Variants in MAST4 observed in about 807,000 individuals in gnomAD.
The protein encoded by MAST4 is microtubule-associated serine/threonine-protein kinase 4.
In MAST4, 89 loss-of-function variants were observed where a neutral mutation model predicts 162.7. The ratio of observed to expected loss-of-function variants is 0.55; its 90% CI spans 0.46 to 0.65. The LOEUF (loss-of-function observed/expected upper bound fraction) is 0.65, where lower values mean the gene tolerates loss of function less well. Ranked by LOEUF, MAST4 falls within the 30% of genes least tolerant of loss-of-function variation. The pLI is 0.00. For synonymous variants in MAST4, 1,479 were observed against 1,361.1 expected, an observed-to-expected ratio of 1.09 and a Z score of -1.91; for missense variants, 3,153 against 3,374.0, an observed-to-expected ratio of 0.93 and a Z score of 1.62.
chr5:66,840,365 A>G (rs1456431703), intron 3 of MAST4, among the ~76,000 whole-genome samples: 2 of 152,180 alleles, frequency 1.3e-5, no homozygotes, highest in Non-Finnish European at 2.9e-5. Context: ...TTGATTCAAG[A>G]TTGATTTGAC....
chr5:66,642,812 G>T (rs1216477885), intron 1 of MAST4, among the ~76,000 whole-genome samples: 1 of 152,142 alleles, frequency 6.6e-6, no homozygotes, highest in Non-Finnish European at 1.5e-5. Flanking sequence ...ATTGTGTATT[G>T]CACTCTCTTA....
At chr5:66,897,506 T>C (rs528428672) in intron 3 of MAST4, among the ~76,000 whole-genome samples, 1 of 152,300 alleles carries the variant, frequency 6.6e-6, no homozygotes, top group South Asian at 2.1e-4. Context: ...TTTGCAGACT[T>C]TTGCAGCTAT....
At chr5:66,945,139 G>C (rs1381002844) in intron 4 of MAST4, among the ~76,000 whole-genome samples, 1 of 152,060 alleles carries the variant, frequency 6.6e-6, no homozygotes, top group Non-Finnish European at 1.5e-5. Context: ...CTGTTGACTA[G>C]GTTGCTAGGT....
chr5:66,847,327 T>C (rs1290691653), intron 3 of MAST4, among the ~76,000 whole-genome samples: 1 of 152,118 alleles, frequency 6.6e-6, no homozygotes, highest in Non-Finnish European at 1.5e-5. Flanking sequence ...TGGACATTAA[T>C]TGGGAGATAC....
intron 1 of MAST4, among the ~76,000 whole-genome samples, chr5:66,658,586 T>C (rs564320816): frequency 1.2e-3 from 176 of 152,292 alleles, no homozygotes; most frequent in African/African-American, 4.1e-3. Flanking sequence ...TTTTGTAAAA[T>C]AAGCATTATG....
intron 4 of MAST4, among the ~76,000 whole-genome samples, chr5:67,000,473 G>A (rs867169303): frequency 1.2e-4 from 18 of 152,182 alleles, no homozygotes; most frequent in African/African-American, 4.3e-4. Flanking sequence ...ATGTGTTGCC[G>A]GCTGTGGTGG....
At chr5:66,778,747 C>T (rs1754716258) in intron 2 of MAST4, among the ~76,000 whole-genome samples, 1 of 152,082 alleles carries the variant, frequency 6.6e-6, no homozygotes, top group Non-Finnish European at 1.5e-5. Flanking sequence ...GCCATATTAC[C>T]CATACCAAAA....
At chr5:66,600,865 G>A (rs1742507039) in intron 1 of MAST4, among the ~76,000 whole-genome samples, 1 of 152,282 alleles carries the variant, frequency 6.6e-6, no homozygotes. Flanking sequence ...CCTTAGAATG[G>A]CAGAAAAGGG....
intron 3 of MAST4, among the ~76,000 whole-genome samples, chr5:66,829,718 A>T (rs1042645129): frequency 1.3e-5 from 2 of 149,334 alleles, no homozygotes; most frequent in Non-Finnish European, 3.0e-5. Flanking sequence ...ATTAAAAAAA[A>T]TGCTTGGAAT....
At chr5:66,993,244 T>A (rs1031788530) in intron 4 of MAST4, among the ~76,000 whole-genome samples, 8 of 152,198 alleles carry the variant, frequency 5.3e-5, no homozygotes, top group South Asian at 2.1e-4. Flanking sequence ...TTTGGAAGCA[T>A]CCCTCAGGGC....
intron 1 of MAST4, among the ~76,000 whole-genome samples, chr5:66,705,955 G>A (rs556209872): frequency 2.0e-5 from 3 of 152,134 alleles, no homozygotes; most frequent in Non-Finnish European, 2.9e-5. Context: ...TTAGTAAGGC[G>A]AAGTAACTTT....
chr5:66,724,543 C>T (rs1214460809), intron 1 of MAST4, among the ~76,000 whole-genome samples: 1 of 152,078 alleles, frequency 6.6e-6, no homozygotes, highest in Non-Finnish European at 1.5e-5. Context: ...GGGATATGTT[C>T]TGAGAAGCAT....
chr5:66,755,104 C>A (rs186753196), intron 1 of MAST4, among the ~76,000 whole-genome samples: 5 of 152,102 alleles, frequency 3.3e-5, no homozygotes, highest in Admixed American at 3.3e-4. Flanking sequence ...GATGGAAGCA[C>A]AGAGACCTCT....
chr5:66,732,752 G>T (rs1316351529), intron 1 of MAST4, among the ~76,000 whole-genome samples: 4 of 152,138 alleles, frequency 2.6e-5, no homozygotes, highest in African/African-American at 9.7e-5. Flanking sequence ...TTGAGCCTTG[G>T]TCTATTCTAC....
chr5:67,063,819 G>GT (rs1759920363), intron 5 of MAST4, among the ~76,000 whole-genome samples: 6 of 152,154 alleles, frequency 3.9e-5, no homozygotes, highest in Admixed American at 3.3e-4. Flanking sequence ...TATTTTCCAT[G>GT]TTAGAATTGA....
At position 66,776,371 on chromosome 5, in the gene MAST4, C is replaced by T. The variant is rs906859378; in HGVS notation, c.518-12299C>T. ...TCATTGAGTAGGATTCATAATTTCT[C>T]CAAGAAGTAAGATATCAAATATAAG... On this transcript the variant is annotated intron_variant, in intron 2 of 28. Transcript: ENST00000403625. 1.3e-5 allele frequency among the ~76,000 whole-genome samples: 2 copies of T among 152,100 alleles called. 1 individual carries two copies. Among genetic ancestry groups the T allele is most frequent in the Admixed American group, 1.3e-4 (2 of 15,272 alleles).
chr5:66,958,084 A>G (rs1745532908), intron 4 of MAST4, among the ~76,000 whole-genome samples: 1 of 151,790 alleles, frequency 6.6e-6, no homozygotes, highest in African/African-American at 2.4e-5. Context: ...TATACTTGCT[A>G]TTTTACCGCA....
chr5:66,693,045 C>G (rs1055525913), intron 1 of MAST4, among the ~76,000 whole-genome samples: 1 of 149,468 alleles, frequency 6.7e-6, no homozygotes, highest in Non-Finnish European at 1.5e-5. Flanking sequence ...AATGAATATC[C>G]ACAATAGTAC....
At chr5:66,676,436 C>T (rs1031901883) in intron 1 of MAST4, among the ~76,000 whole-genome samples, 2 of 147,634 alleles carry the variant, frequency 1.4e-5, no homozygotes, top group Non-Finnish European at 3.0e-5. Flanking sequence ...TCTTAAGTCT[C>T]CCTGAATGTT....
Sources: allele counts gnomAD v4.1 joint callset (sites outside exome capture counted in the v4.1 genomes callset), GRCh38; gene constraint gnomAD v4.1.1; transcripts MANE v1.5; gene names NCBI Gene and HGNC (gene_info 2026-07-23, HGNC 2026-07-21).